The following PARD3 variants were observed in gnomAD, a reference collection of about 807,000 sequenced individuals.
The protein encoded by PARD3 is par-3 family cell polarity regulator.
PARD3 carries 75 observed loss-of-function variants against 155.4 expected under a neutral mutation model. That is an observed-to-expected ratio of 0.48 (90% CI 0.40 to 0.58). PARD3 has a LOEUF of 0.58. Among genes scored for constraint, PARD3 ranks in the 20% least tolerant of loss-of-function variants. The pLI, the probability that PARD3 is intolerant of heterozygous loss-of-function variation, is 0.00. For synonymous variants in PARD3, 576 were observed against 610.5 expected, an observed-to-expected ratio of 0.94 and a Z score of 0.83; for missense variants, 1,642 against 1,721.7, an observed-to-expected ratio of 0.95 and a Z score of 0.82.
chr10:34,608,099 C>T (rs905346894), intron 2 of PARD3, among the ~76,000 whole-genome samples: 2 of 152,186 alleles, frequency 1.3e-5, no homozygotes, highest in Non-Finnish European at 2.9e-5. Context: ...GCTCTCCAAA[C>T]TCTTCCACAT....
At chr10:34,227,854 TTTTATATA>T (rs1482923554) in intron 22 of PARD3, among the ~76,000 whole-genome samples, 1,308 of 26,504 alleles carry the variant, frequency 0.049, 170 homozygotes, top group African/African-American at 0.093. Context: ...GGGAATTATT[TTTTATATA>T]TATATATATA....
At chr10:34,367,533 G>A (rs1012094747) in intron 12 of PARD3, among the ~76,000 whole-genome samples, 6 of 152,182 alleles carry the variant, frequency 3.9e-5, no homozygotes, top group Middle Eastern at 3.4e-3. Context: ...GTGAAACCCC[G>A]TCTCTACTAA....
chr10:34,303,388 C>T (rs1298054201), intron 20 of PARD3, among the ~76,000 whole-genome samples: 1 of 150,994 alleles, frequency 6.6e-6, no homozygotes, highest in Admixed American at 6.6e-5. Context: ...TCAAGATATC[C>T]TGAGATAAAT....
intron 21 of PARD3, among the ~76,000 whole-genome samples, chr10:34,282,408 G>A (rs1293062735): frequency 6.6e-6 from 1 of 152,088 alleles, no homozygotes; most frequent in Non-Finnish European, 1.5e-5. Flanking sequence ...AAGCAAAACT[G>A]AGAAGTGAAC....
At chr10:34,606,510 T>C (rs145211978) in intron 2 of PARD3, among the ~76,000 whole-genome samples, 70 of 151,934 alleles carry the variant, frequency 4.6e-4, no homozygotes, top group African/African-American at 1.6e-3. Flanking sequence ...TTATAAAAGT[T>C]GGAGCATCAG....
At chr10:34,595,216 G>GAAGA in intron 2 of PARD3, among the ~76,000 whole-genome samples, 1 of 152,282 alleles carries the variant, frequency 6.6e-6, no homozygotes, top group Middle Eastern at 3.4e-3. Context: ...TTCCGGCTTT[G>GAAGA]AAGAAGTCAA....
chr10:34,437,089 G>A (rs1477329602), intron 5 of PARD3, among the ~76,000 whole-genome samples: 2 of 152,190 alleles, frequency 1.3e-5, no homozygotes, highest in South Asian at 4.1e-4. Flanking sequence ...ATTAAAGAAT[G>A]TTATCAAATT....
At chr10:34,559,053 G>C (rs1009781890) in intron 2 of PARD3, among the ~76,000 whole-genome samples, 1 of 150,290 alleles carries the variant, frequency 6.7e-6, no homozygotes, top group Non-Finnish European at 1.5e-5. Context: ...CCCCCCCACA[G>C]AATTAGCCTC....
intron 9 of PARD3, among the ~76,000 whole-genome samples, chr10:34,381,912 C>CAAAAAAAAAAAAAA (rs202053812): frequency 6.0e-4 from 43 of 71,864 alleles, no homozygotes; most frequent in African/African-American, 1.5e-3. Flanking sequence ...GGCCCTGTCT[C>CAAAAAAAAAAAAAA]AAAAAAAAAA....
chr10:34,139,033 C>T (rs1017584713), intron 22 of PARD3, among the ~76,000 whole-genome samples: 13 of 151,962 alleles, frequency 8.6e-5, no homozygotes, highest in Non-Finnish European at 1.8e-4. Flanking sequence ...CCCATGTACA[C>T]ATCACAGGGC....
At chr10:34,143,273 C>T (rs575124503) in intron 22 of PARD3, among the ~76,000 whole-genome samples, 4 of 151,654 alleles carry the variant, frequency 2.6e-5, no homozygotes, top group Admixed American at 6.6e-5. Flanking sequence ...ATCGTGCCAC[C>T]GCACCCCAGC....
At chr10:34,360,457 T>C (rs1349351670) in intron 12 of PARD3, among the ~76,000 whole-genome samples, 198 bp from the exon 13 acceptor site, 3 of 152,232 alleles carry the variant, frequency 2.0e-5, no homozygotes, top group African/African-American at 7.2e-5. Context: ...AATATTTTTA[T>C]GTAGCAATTA....
intron 22 of PARD3, among the ~76,000 whole-genome samples, chr10:34,155,878 G>A (rs1030772520): frequency 2.0e-5 from 3 of 152,014 alleles, no homozygotes; most frequent in African/African-American, 4.8e-5. Context: ...GATGCAACAC[G>A]GTCCACTCAC....
At chr10:34,745,524 G>A (rs532231052) in intron 1 of PARD3, among the ~76,000 whole-genome samples, 2 of 152,188 alleles carry the variant, frequency 1.3e-5, no homozygotes, top group South Asian at 2.1e-4. Flanking sequence ...CTGGGGTGTC[G>A]ACTGTTGGAG....
intron 3 of PARD3, among the ~76,000 whole-genome samples, chr10:34,496,018 T>C (rs2080258907): frequency 1.3e-5 from 2 of 151,680 alleles, no homozygotes; most frequent in African/African-American, 4.8e-5. Flanking sequence ...GCCTGGGCAA[T>C]ATGGCAAAAC....
At chr10:34,583,414 G>C (rs1223566679) in intron 2 of PARD3, among the ~76,000 whole-genome samples, 1 of 152,034 alleles carries the variant, frequency 6.6e-6, no homozygotes, top group African/African-American at 2.4e-5. Context: ...GCTTTTATTA[G>C]TATCTCTGGG....
intron 2 of PARD3, among the ~76,000 whole-genome samples, chr10:34,556,184 C>T (rs1251138628): frequency 6.6e-5 from 10 of 152,282 alleles, no homozygotes; most frequent in Non-Finnish European, 2.9e-5. Flanking sequence ...TTTCCCTTAA[C>T]TTTCGATGCT....
At chr10:34,701,709 A>AC (rs1293237863) in intron 1 of PARD3, among the ~76,000 whole-genome samples, 2 of 152,078 alleles carry the variant, frequency 1.3e-5, no homozygotes, top group African/African-American at 4.8e-5. Flanking sequence ...AGTCTGGGGA[A>AC]CGTAGTGAGG....
intron 1 of PARD3, among the ~76,000 whole-genome samples, chr10:34,771,196 G>C (rs1472226912): frequency 1.3e-5 from 2 of 152,198 alleles, no homozygotes; most frequent in Non-Finnish European, 2.9e-5. Context: ...TGATTAAAAT[G>C]TTCTGGCTTT....
Sources: allele counts gnomAD v4.1 joint callset (sites outside exome capture counted in the v4.1 genomes callset), GRCh38; gene constraint gnomAD v4.1.1; transcripts MANE v1.5; gene names NCBI Gene and HGNC (gene_info 2026-07-23, HGNC 2026-07-21).